Variants in MSRA observed in about 807,000 individuals in gnomAD.
MSRA encodes the protein mitochondrial peptide methionine sulfoxide reductase.
A neutral mutation model predicts 31.3 loss-of-function variants in MSRA; 54 were observed. That is an observed-to-expected ratio of 1.73 (90% CI 1.39 to 2.17). The LOEUF is 2.17. Among genes scored for constraint, MSRA ranks in the 30% most tolerant of loss-of-function variants. MSRA has a pLI of 0.00. For synonymous variants in MSRA, 169 were observed against 116.5 expected (o/e 1.45, Z -2.90); for missense variants, 507 against 300.9 (o/e 1.69, Z -5.07).
At chr8:10,404,927 A>G (rs914756686) in intron 5 of MSRA, among the ~76,000 whole-genome samples, 9 of 152,132 alleles carry the variant, frequency 5.9e-5, no homozygotes, top group African/African-American at 1.9e-4. Context: ...GCTCCCCACG[A>G]TGGCTTTGGG....
intron 1 of MSRA, among the ~76,000 whole-genome samples, chr8:10,120,288 T>C (rs767866804): frequency 7.9e-5 from 12 of 152,118 alleles, no homozygotes; most frequent in South Asian, 2.1e-4. Context: ...AACAATCACT[T>C]TGTGATTGTA....
At chr8:10,068,869 G>T (rs937081148) in intron 1 of MSRA, among the ~76,000 whole-genome samples, 1 of 152,196 alleles carries the variant, frequency 6.6e-6, no homozygotes, top group Non-Finnish European at 1.5e-5. Context: ...TCCAGATCAA[G>T]TTGGGAAGAA....
intron 3 of MSRA, among the ~76,000 whole-genome samples, chr8:10,285,792 G>A (rs1288064853): frequency 3.3e-5 from 5 of 151,892 alleles, no homozygotes; most frequent in African/African-American, 1.2e-4. Context: ...TGTCATCTAA[G>A]CTTATCTATG....
At chr8:10,082,547 A>G (rs533361413) in intron 1 of MSRA, among the ~76,000 whole-genome samples, 51 of 152,168 alleles carry the variant, frequency 3.4e-4, no homozygotes, top group Non-Finnish European at 6.5e-4. Context: ...TCCGTGCACT[A>G]AGGGTCTCAT....
At chr8:10,409,698 C>T (rs1020192397) in intron 5 of MSRA, among the ~76,000 whole-genome samples, 4 of 152,232 alleles carry the variant, frequency 2.6e-5, no homozygotes, top group Middle Eastern at 3.2e-3. Context: ...CCAACATGCA[C>T]GTGCTTGTCC....
intron 1 of MSRA, among the ~76,000 whole-genome samples, chr8:10,165,897 T>A (rs1264939873): frequency 1.3e-5 from 2 of 152,188 alleles, no homozygotes; most frequent in Non-Finnish European, 2.9e-5. Context: ...ATCACCTGTC[T>A]TATACTGAGG....
intron 5 of MSRA, among the ~76,000 whole-genome samples, chr8:10,383,575 CGGTGAGTTTG>C: frequency 2.4e-5 from 1 of 42,088 alleles, no homozygotes; most frequent in Non-Finnish European, 6.6e-5. Flanking sequence ...TTCAGGTTGA[CGGTGAGTTTG>C]ACATTTGTAA....
At chr8:10,187,074 T>C (rs74980516) in intron 1 of MSRA, among the ~76,000 whole-genome samples, 62 of 152,308 alleles carry the variant, frequency 4.1e-4, no homozygotes, top group Non-Finnish European at 6.5e-4. Flanking sequence ...ATACTTTTCA[T>C]CTCAACTAGA....
intron 5 of MSRA, among the ~76,000 whole-genome samples, chr8:10,402,583 G>C (rs866733239): frequency 6.6e-6 from 1 of 152,186 alleles, no homozygotes; most frequent in Non-Finnish European, 1.5e-5. Context: ...TCTATAGCAC[G>C]CATTTCCAAC....
chr8:10,266,931 C>G (rs987408513), intron 3 of MSRA, among the ~76,000 whole-genome samples: 1 of 152,058 alleles, frequency 6.6e-6, no homozygotes, highest in African/African-American at 2.4e-5. Flanking sequence ...AGTACATTGC[C>G]CAGTTTTCAT....
At chr8:10,139,879 AG>A (rs756359789) in intron 1 of MSRA, among the ~76,000 whole-genome samples, 72 of 152,324 alleles carry the variant, frequency 4.7e-4, no homozygotes, top group Admixed American at 1.1e-3. Flanking sequence ...TGTTTTCCTC[AG>A]TGTTGTGTGT....
Position 10,428,633 on chromosome 8 carries a change from A to G in MSRA, c.*321A>G. 1 of 321,606 alleles carries G rather than the reference A, an allele frequency of 3.1e-6. No individual in the cohort carries two copies. Among genetic ancestry groups the G allele is most frequent in the Non-Finnish European group, 5.7e-6 (1 of 174,788 alleles). 19.9% of individuals were successfully genotyped at this position (321,606 alleles called of 1,614,324 possible). The stretch of plus-strand genomic sequence containing the variant: ...GTGAGCTGGGAGGTTGCTGGACAGG[A>G]TGGGGGACCCCAGAAGTCCTTTATC... On this transcript the variant is annotated 3_prime_UTR_variant, in exon 6 of 6. Transcript: ENST00000317173.
At chr8:10,142,712 T>C (rs189916040) in intron 1 of MSRA, among the ~76,000 whole-genome samples, 6 of 152,328 alleles carry the variant, frequency 3.9e-5, no homozygotes, top group Admixed American at 3.3e-4. Context: ...GTGTGATGCT[T>C]AAATGTAGTA....
Position 10,246,985 on chromosome 8 carries a change from A to T in MSRA, c.331+1762A>T, listed in dbSNP as rs191223351. Among the ~76,000 whole-genome samples, 586 of 152,318 alleles carry T rather than the reference A, an allele frequency of 3.8e-3. 2 individuals are homozygous for T. Among genetic ancestry groups the T allele is most frequent in the Middle Eastern group, 0.014 (4 of 294 alleles). ...GACGTGACTTAATGGCCTAAGAGAA[A>T]AAGGTTGCTAAGAAAACCTCCAAGT... On this transcript the variant is annotated intron_variant, in intron 3 of 5. Coordinates refer to ENST00000317173, the MANE Select transcript of MSRA (RefSeq NM_012331.5).
intron 2 of MSRA, among the ~76,000 whole-genome samples, chr8:10,224,632 G>A (rs1050012924): frequency 6.6e-6 from 1 of 152,156 alleles, no homozygotes; most frequent in African/African-American, 2.4e-5. Flanking sequence ...AGAGCTGAGA[G>A]TCCCTCTACT....
intron 3 of MSRA, among the ~76,000 whole-genome samples, chr8:10,290,507 C>T (rs749279036): frequency 6.6e-6 from 1 of 152,142 alleles, no homozygotes; most frequent in South Asian, 2.1e-4. Flanking sequence ...TGCCCAAGTT[C>T]GTGGTTCCTT....
intron 4 of MSRA, among the ~76,000 whole-genome samples, chr8:10,304,209 T>G (rs1801003098): frequency 6.6e-6 from 1 of 152,252 alleles, no homozygotes; most frequent in African/African-American, 2.4e-5. Context: ...AGTGCTGGGA[T>G]TGCAGGCGTG....
chr8:10,070,075 A>G (rs1470348805), intron 1 of MSRA, among the ~76,000 whole-genome samples: 2 of 152,228 alleles, frequency 1.3e-5, no homozygotes, highest in Non-Finnish European at 2.9e-5. Flanking sequence ...TTTGAAGCCA[A>G]CTTGAGTCTT....
At chr8:10,382,203 G>A (rs902102144) in intron 5 of MSRA, among the ~76,000 whole-genome samples, 6 of 152,166 alleles carry the variant, frequency 3.9e-5, no homozygotes, top group Non-Finnish European at 1.5e-5. Context: ...AGCAGATGAG[G>A]CTGCTGGCTT....
Sources: allele counts gnomAD v4.1 joint callset (sites outside exome capture counted in the v4.1 genomes callset), GRCh38; gene constraint gnomAD v4.1.1; transcripts MANE v1.5; gene names NCBI Gene and HGNC (gene_info 2026-07-23, HGNC 2026-07-21).